The following LONP1 variants were observed in gnomAD, a reference collection of about 807,000 sequenced individuals.
LONP1 encodes the protein lon protease homolog, mitochondrial.
A neutral mutation model predicts 98.5 loss-of-function variants in LONP1; 31 were observed. The observed-to-expected ratio is 0.31, with a 90% CI of 0.24 to 0.42. The LOEUF is 0.42. Ranked by LOEUF, LONP1 falls within the 20% of genes least tolerant of loss-of-function variation. LONP1 has a pLI of 1.00. For synonymous variants in LONP1, 781 were observed against 594.7 expected (o/e 1.31, Z -4.56); for missense variants, 1,336 against 1,350.6 (o/e 0.99, Z 0.17).
intron 17 of LONP1, among the ~76,000 whole-genome samples, chr19:5,692,714 T>G (rs2054850207): frequency 1.3e-5 from 2 of 152,154 alleles, no homozygotes; most frequent in Non-Finnish European, 2.9e-5. Flanking sequence ...CCATGGACAG[T>G]GAGCCTCCCA....
In LONP1 at chr19:5,696,139, T is replaced by G. The variant is rs773081086; in HGVS notation, c.1928A>C (p.Asp643Ala). ...VLFICTANVT[D>A]TIPEPLRDRM... ...GTCTCGCAGCGGCTCGGGGATGGTG[T>G]CCGTGACGTTGGCCGTGCAGATGAA... is the stretch of plus-strand genomic sequence containing the variant. Residue 643 changes from aspartate (D) to alanine (A), a missense_variant, in exon 13 of 18, where the codon GAC (aspartate) becomes GCC (alanine). By Grantham distance (126) the Asp-to-Ala change is moderately radical. This residue lies in a region of LONP1 where 555 missense variants were observed against 542.6 expected (regional missense o/e 1.02). Coordinates refer to ENST00000360614, the MANE Select transcript of LONP1 (RefSeq NM_004793.4). 8.1e-6 allele frequency: 13 copies of G among 1,612,754 alleles called. No homozygotes were observed. The highest frequency in any genetic ancestry group is 2.7e-5 in the African/African-American group (2 of 74,854).
intron 10 of LONP1, among the ~76,000 whole-genome samples, 154 bp from the exon 11 acceptor site, chr19:5,696,911 G>A (rs2054941822): frequency 6.6e-6 from 1 of 152,210 alleles, no homozygotes; most frequent in Non-Finnish European, 1.5e-5. Context: ...GCCGCCGGAT[G>A]TGTGGCACCT....
Position 5,707,846 on chromosome 19 carries a change from G to A in LONP1, c.933-20C>T. 3 of 1,611,430 alleles carry A rather than the reference G, an allele frequency of 1.9e-6. No homozygotes were observed. Among genetic ancestry groups the A allele is most frequent in the Non-Finnish European group, 2.5e-6 (3 of 1,179,186 alleles). On this transcript the variant is annotated intron_variant, in intron 5 of 17. Transcript: ENST00000360614. Reference sequence around the variant, plus strand: ...GACTCCCTGGGGGACAAAGGGAGCTGCCTCGGTGGCCAGGGCCTCACGCTC... The same window carrying A: ...GACTCCCTGGGGGACAAAGGGAGCTACCTCGGTGGCCAGGGCCTCACGCTC...
At chr19:5,707,607 G>A (rs1345715321) in intron 6 of LONP1, 90 bp downstream of exon 6, 1 of 1,437,286 alleles carries the variant, frequency 7.0e-7, no homozygotes, top group African/African-American at 1.4e-5. Context: ...GGGGAGCTGA[G>A]GAGGAACGGG....
chr19:5,708,601 AC>A, intron 4 of LONP1, 198 bp from the exon 5 acceptor site: 1 of 441,748 alleles, frequency 2.3e-6, no homozygotes, highest in South Asian at 2.5e-5. Flanking sequence ...GGGACACAGG[AC>A]CAAGAGAGTC....
chr19:5,696,516 G>A lies in LONP1; in HGVS notation c.1774-145C>T. ...TTGGACGGGCAGCCTGCTGGGCGTG[G>A]CTGTGGGTGGGAGGGACCCGTCCGT... On this transcript the variant is annotated intron_variant, in intron 11 of 17. Transcript: ENST00000360614. 4 of 1,319,720 alleles carry A rather than the reference G, an allele frequency of 3.0e-6. No homozygotes were observed. The South Asian group carries it at 4.1e-5, about 14-fold the overall frequency. 81.8% of individuals were successfully genotyped at this position (1,319,720 alleles called of 1,614,324 possible).
intron 8 of LONP1, among the ~76,000 whole-genome samples, chr19:5,703,297 C>A (rs768034652): frequency 9.1e-4 from 139 of 152,160 alleles, no homozygotes; most frequent in Non-Finnish European, 1.1e-3. Flanking sequence ...ACGGCACTGG[C>A]TTCTGCCCAG....
Position 5,696,863 on chromosome 19 carries a change from A to G in LONP1, c.1686-106T>C, listed in dbSNP as rs2054940796. On this transcript the variant is annotated intron_variant, in intron 10 of 17. Transcript: ENST00000360614. ...GGGGAGAGGCCACCTGGAGCCCCAC[A>G]AGATGTGGCCATGATGTGGGAGGCG... is the stretch of plus-strand genomic sequence containing the variant. 3 of 708,576 alleles carry G rather than the reference A, an allele frequency of 4.2e-6. No homozygotes were observed. In the East Asian group the frequency reaches 8.1e-5, roughly 19 times the overall value. The allele number at this position is 708,576 out of a possible 1,614,324, so 43.9% of individuals were successfully genotyped here. A position where few individuals can be genotyped will look rare whatever the true frequency, so the allele number is the denominator to read the frequency against.
chr19:5,694,362 G>T (rs1389474737), intron 15 of LONP1, 25 bp downstream of exon 15: 1 of 1,608,332 alleles, frequency 6.2e-7, no homozygotes, highest in Non-Finnish European at 8.5e-7. Flanking sequence ...ATGGCTTTGG[G>T]GTCTTCTCCC....
At chr19:5,696,590 T>G in intron 11 of LONP1, 80 bp downstream of exon 11, 1 of 1,463,320 alleles carries the variant, frequency 6.8e-7, no homozygotes, top group Non-Finnish European at 9.4e-7. Flanking sequence ...GGCTCGGGGA[T>G]CCTAGGACCC....
At position 5,691,945 on chromosome 19, in the gene LONP1, C is replaced by G; in HGVS notation, c.*87G>C. On this transcript the variant is annotated 3_prime_UTR_variant, in exon 18 of 18. Coordinates refer to ENST00000360614, the MANE Select transcript of LONP1 (RefSeq NM_004793.4). ...CCGAGCTGCTCGCTCGGTGGCTCCA[C>G]TGCCAGGTCCGGGCGCGCTCCCCAC... is the stretch of plus-strand genomic sequence containing the variant. The G allele has an allele frequency of 1.1e-6, 1 of 932,948 alleles. No homozygotes were observed. The highest frequency in any genetic ancestry group is 1.5e-6 in the Non-Finnish European group (1 of 654,830). 57.8% of individuals were successfully genotyped at this position (932,948 alleles called of 1,614,324 possible).
At position 5,713,272 on chromosome 19, in the gene LONP1, G is replaced by A. The variant is rs1393540275; in HGVS notation, c.519-19C>T. 1.9e-6 allele frequency: 3 copies of A among 1,610,422 alleles called. No homozygotes were observed. The South Asian group carries it at 3.3e-5, about 18-fold the overall frequency. On this transcript the variant is annotated intron_variant, in intron 2 of 17. Transcript: ENST00000360614. Reference sequence around the variant, plus strand: ...CTCATTGCTGTGGGAGAAGAGCACAGAGGAATGTTGGAACATGGCTTTCAT... The same window carrying A: ...CTCATTGCTGTGGGAGAAGAGCACAAAGGAATGTTGGAACATGGCTTTCAT...
chr19:5,700,469 T>G (rs1190098472), intron 9 of LONP1, among the ~76,000 whole-genome samples: 2 of 152,130 alleles, frequency 1.3e-5, no homozygotes, highest in African/African-American at 4.8e-5. Context: ...CAACCTGATG[T>G]GCAGTGGCAT....
intron 8 of LONP1, 80 bp downstream of exon 8, chr19:5,705,692 G>A (rs568726652): frequency 2.8e-5 from 37 of 1,332,628 alleles, no homozygotes; most frequent in Middle Eastern, 2.1e-4. Context: ...GGGGCTCCCC[G>A]CTGGGTCCCC....
intron 8 of LONP1, among the ~76,000 whole-genome samples, chr19:5,701,795 G>A (rs1392402913): frequency 2.0e-5 from 3 of 150,132 alleles, no homozygotes; most frequent in Admixed American, 6.7e-5. Context: ...GCCGCCCATC[G>A]TCTGGGATGT....
In LONP1 at chr19:5,696,265, G is replaced by T; in HGVS notation, c.1880C>A (p.Pro627His). The T allele has an allele frequency of 6.2e-7, 1 of 1,613,338 alleles. No homozygotes were observed. The change falls in exon 12 of 18, where the codon CCC becomes CAC. Residue 627 changes from proline (P) to histidine (H), a missense_variant. Pro to His is a moderately conservative substitution (Grantham distance 77). Transcript: ENST00000360614. ...GCCCCCCACCTTGGACAAGTCCACG[G>T]GCACGTCCAGGTAGTGGTCCAGGAA... Reference protein sequence around the residue: ...ANFLDHYLDVPVDLSKVLFIC... With the variant: ...ANFLDHYLDVHVDLSKVLFIC...
intron 10 of LONP1, among the ~76,000 whole-genome samples, chr19:5,697,790 G>T (rs1599452525): frequency 6.6e-6 from 1 of 151,970 alleles, no homozygotes; most frequent in African/African-American, 2.4e-5. Flanking sequence ...GACGTCAGCA[G>T]ACGCCTGCCC....
intron 4 of LONP1, among the ~76,000 whole-genome samples, chr19:5,709,750 A>C (rs1215471501): frequency 1.3e-5 from 2 of 151,674 alleles, no homozygotes; most frequent in Non-Finnish European, 2.9e-5. Context: ...TCTACTAAAA[A>C]ATACACAAAA....
chr19:5,715,643 TAAAAAAAAAAAAAAAAAAAA>T lies in LONP1; in HGVS notation c.430-1392_430-1373del, dbSNP rs527565499. Among the ~76,000 whole-genome samples, 24 of 31,098 alleles carry T rather than the reference TAAAAAAAAAAAAAAAAAAAA, an allele frequency of 7.7e-4. 1 individual carries two copies. The South Asian group carries it at 0.018, about 23-fold the overall frequency. The allele number at this position is 31,098 out of a possible 152,430, so 20.4% of individuals were successfully genotyped here. On this transcript the variant is annotated intron_variant, in intron 1 of 17. Coordinates refer to ENST00000360614, the MANE Select transcript of LONP1 (RefSeq NM_004793.4). The stretch of plus-strand genomic sequence containing the variant: ...GGCGACAGAGTGAGACTCTGTCTCA[TAAAAAAAAAAAAAAAAAAAA>T]AAAAAAAAAAAAAAAAGAAAGTTTC...
Sources: gnomAD v4.1 joint callset for allele counts (sites outside exome capture counted in the v4.1 genomes callset) on GRCh38, gnomAD v4.1.1 for gene constraint, gnomAD v4.1.1 regional missense constraint, MANE v1.5 for transcripts, NCBI Gene and HGNC (gene_info 2026-07-23, HGNC 2026-07-21) for gene names.